Variants in RPH3A observed in about 807,000 individuals in gnomAD.
The protein encoded by RPH3A is rabphilin 3A, also known as rabphilin-3A.
A neutral mutation model predicts 102.2 loss-of-function variants in RPH3A; 48 were observed. The ratio of observed to expected loss-of-function variants is 0.47; its 90% CI spans 0.37 to 0.60. The LOEUF is 0.60. Ranked by LOEUF, RPH3A falls within the 20% of genes least tolerant of loss-of-function variation. The pLI, the probability that RPH3A is intolerant of heterozygous loss-of-function variation, is 0.00. For synonymous variants in RPH3A, 310 were observed against 324.3 expected, an observed-to-expected ratio of 0.96 and a Z score of 0.47; for missense variants, 781 against 910.1, an observed-to-expected ratio of 0.86 and a Z score of 1.83.
Position 112,611,526 on chromosome 12 carries a change from C to T in RPH3A, c.-140+36207C>T, listed in dbSNP as rs376194963. ...CAATCTCGGCCCACTGCAACCTCCG[C>T]CTCCCGGGTTCAAGGGATTCTCCTG... is the stretch of plus-strand genomic sequence containing the variant. On this transcript the variant is annotated intron_variant, in intron 1 of 21. Transcript: ENST00000543106. Among the ~76,000 whole-genome samples, 19 of 152,248 alleles carry T rather than the reference C, an allele frequency of 1.2e-4. No homozygotes were observed. The South Asian group carries it at 3.7e-3, about 30-fold the overall frequency.
chr12:112,584,092 C>G (rs1166424784), intron 1 of RPH3A, among the ~76,000 whole-genome samples: 2 of 152,102 alleles, frequency 1.3e-5, no homozygotes, highest in Non-Finnish European at 2.9e-5. Context: ...GGAGGGGACT[C>G]AGAAGTGATT....
intron 1 of RPH3A, among the ~76,000 whole-genome samples, chr12:112,737,210 G>C (rs1429579711): frequency 1.3e-5 from 2 of 150,538 alleles, no homozygotes; most frequent in African/African-American, 4.9e-5. Context: ...TCTTTATAAA[G>C]TGAGTTGTTA....
intron 1 of RPH3A, among the ~76,000 whole-genome samples, chr12:112,725,191 G>A (rs2040578403): frequency 7.2e-6 from 1 of 138,210 alleles, no homozygotes; most frequent in Admixed American, 7.6e-5. Context: ...GGAGGTTGCA[G>A]TGAGCTGAGA....
At chr12:112,805,706 G>T (rs2041447355) in intron 2 of RPH3A, among the ~76,000 whole-genome samples, 1 of 152,208 alleles carries the variant, frequency 6.6e-6, no homozygotes, top group South Asian at 2.1e-4. Flanking sequence ...GGGCAGTTGT[G>T]TGAGGTTAAA....
chr12:112,773,816 C>T (rs915218685), intron 1 of RPH3A, among the ~76,000 whole-genome samples: 10 of 151,996 alleles, frequency 6.6e-5, no homozygotes, highest in Non-Finnish European at 1.0e-4. Flanking sequence ...CATGGTGGCT[C>T]ACACCTGTAA....
At chr12:112,858,783 C>T (rs1164832986) in intron 5 of RPH3A, among the ~76,000 whole-genome samples, 3 of 152,168 alleles carry the variant, frequency 2.0e-5, no homozygotes, top group Admixed American at 2.0e-4. Context: ...CAAGGCCAGA[C>T]CACGTTGGGA....
At chr12:112,785,147 AG>A (rs768145075) in intron 1 of RPH3A, among the ~76,000 whole-genome samples, 1 of 151,706 alleles carries the variant, frequency 6.6e-6, no homozygotes, top group East Asian at 1.9e-4. Context: ...ACTTGAACCC[AG>A]GAGGCGGAGT....
intron 1 of RPH3A, among the ~76,000 whole-genome samples, chr12:112,757,868 T>C (rs1397991620): frequency 6.6e-6 from 1 of 152,158 alleles, no homozygotes; most frequent in Non-Finnish European, 1.5e-5. Context: ...CACACTCAGC[T>C]TGTGTACTTT....
intron 13 of RPH3A, among the ~76,000 whole-genome samples, chr12:112,877,353 A>G (rs1179906370): frequency 1.3e-5 from 2 of 151,030 alleles, no homozygotes; most frequent in Non-Finnish European, 2.9e-5. Context: ...AATGCCTACA[A>G]TGTACCTATC....
chr12:112,884,010 T>TAC (rs1209371779), intron 16 of RPH3A, among the ~76,000 whole-genome samples: 1 of 152,148 alleles, frequency 6.6e-6, no homozygotes, highest in East Asian at 1.9e-4. Context: ...TATTTCCATA[T>TAC]ATATATATAT....
At chr12:112,896,006 G>A (rs2043173558) in intron 21 of RPH3A, 133 bp downstream of exon 21, 2 of 641,406 alleles carry the variant, frequency 3.1e-6, no homozygotes, top group Admixed American at 2.4e-5. Flanking sequence ...GCTAAATTGA[G>A]ACCCATGATC....
intron 1 of RPH3A, among the ~76,000 whole-genome samples, chr12:112,686,294 G>A (rs2040262549): frequency 6.6e-6 from 1 of 152,074 alleles, no homozygotes; most frequent in Non-Finnish European, 1.5e-5. Flanking sequence ...CACATGTGTG[G>A]TAGATTGTAA....
intron 1 of RPH3A, among the ~76,000 whole-genome samples, chr12:112,762,982 G>T (rs535988259): frequency 6.6e-6 from 1 of 152,294 alleles, no homozygotes; most frequent in South Asian, 2.1e-4. Flanking sequence ...TGGGTCAAAG[G>T]TCATTCCCCA....
At chr12:112,856,408 C>T (rs111801326) in intron 5 of RPH3A, among the ~76,000 whole-genome samples, 2,662 of 152,236 alleles carry the variant, frequency 0.017, 97 homozygotes, top group African/African-American at 0.06. Context: ...GATCTGATCT[C>T]TCTGTAAGAG....
chr12:112,797,780 A>G (rs1348761803), intron 2 of RPH3A, among the ~76,000 whole-genome samples: 1 of 151,662 alleles, frequency 6.6e-6, no homozygotes, highest in East Asian at 1.9e-4. Flanking sequence ...GCAGCCTTGA[A>G]CTCCTGGGCT....
At chr12:112,703,456 G>A (rs1292183232) in intron 1 of RPH3A, among the ~76,000 whole-genome samples, 3 of 152,144 alleles carry the variant, frequency 2.0e-5, no homozygotes, top group Non-Finnish European at 4.4e-5. Flanking sequence ...GTATAGAACT[G>A]CAGTACTGAA....
At chr12:112,846,317 T>A (rs1271320883) in intron 4 of RPH3A, among the ~76,000 whole-genome samples, 1 of 152,200 alleles carries the variant, frequency 6.6e-6, no homozygotes, top group African/African-American at 2.4e-5. Flanking sequence ...TGAGCAGTGT[T>A]ATCATGTGCT....
intron 1 of RPH3A, among the ~76,000 whole-genome samples, chr12:112,752,594 CT>C (rs35742758): frequency 0.7 from 87,651 of 124,804 alleles, 29,470 homozygotes; most frequent in East Asian, 0.82. Flanking sequence ...GCAGGCAAGT[CT>C]TTTTTTTTTT....
intron 1 of RPH3A, among the ~76,000 whole-genome samples, chr12:112,673,995 G>T (rs1268142762): frequency 1.3e-5 from 2 of 152,194 alleles, no homozygotes; most frequent in African/African-American, 4.8e-5. Context: ...CTGGTTTCAA[G>T]CGATCCTCCC....
Sources: gnomAD v4.1 joint callset for allele counts (sites outside exome capture counted in the v4.1 genomes callset) on GRCh38, gnomAD v4.1.1 for gene constraint, MANE v1.5 for transcripts, NCBI Gene and HGNC (gene_info 2026-07-23, HGNC 2026-07-21) for gene names.